Variants in PCDH15 observed in about 807,000 individuals in gnomAD.
The protein encoded by PCDH15 is protocadherin related 15.
Under a neutral mutation model 178.5 loss-of-function variants are expected in PCDH15, and 129 were observed. The observed-to-expected ratio is 0.72, with a 90% CI of 0.63 to 0.84. PCDH15 has a LOEUF of 0.84. PCDH15 is among the 40% of genes least tolerant of loss of function. The pLI is 0.00. For synonymous variants in PCDH15, 800 were observed against 732.0 expected, an observed-to-expected ratio of 1.09 and a Z score of -1.50; for missense variants, 2,230 against 2,099.9, an observed-to-expected ratio of 1.06 and a Z score of -1.21.
At chr10:54,035,554 T>A (rs2093397460) in intron 18 of PCDH15, among the ~76,000 whole-genome samples, 1 of 151,852 alleles carries the variant, frequency 6.6e-6, no homozygotes. Flanking sequence ...TTTTGACACA[T>A]GGTCCAAGAT....
intron 3 of PCDH15, among the ~76,000 whole-genome samples, chr10:54,400,733 C>T (rs138388778): frequency 2.7e-4 from 41 of 151,838 alleles, no homozygotes; most frequent in African/African-American, 6.0e-4. Context: ...ATGACAAAGA[C>T]GAGAGGAAAA....
intron 18 of PCDH15, among the ~76,000 whole-genome samples, chr10:54,034,024 A>G (rs1334792525): frequency 6.6e-6 from 1 of 151,886 alleles, no homozygotes; most frequent in Non-Finnish European, 1.5e-5. Flanking sequence ...TTCTAGAAAA[A>G]AAATTCTTAA....
At chr10:54,208,712 T>G (rs1398513964) in intron 10 of PCDH15, among the ~76,000 whole-genome samples, 1 of 152,000 alleles carries the variant, frequency 6.6e-6, no homozygotes, top group Non-Finnish European at 1.5e-5. Flanking sequence ...AACTGACTAG[T>G]ACGTGTCTGT....
chr10:54,671,400 A>G (rs2094668320), intron 1 of PCDH15, among the ~76,000 whole-genome samples: 1 of 152,188 alleles, frequency 6.6e-6, no homozygotes, highest in Non-Finnish European at 1.5e-5. Context: ...AACAGAGACT[A>G]AACGTAAAAG....
At chr10:55,146,476 G>GT (rs752478975) in intron 2 of PCDH15, among the ~76,000 whole-genome samples, 1 of 151,896 alleles carries the variant, frequency 6.6e-6, no homozygotes, top group Non-Finnish European at 1.5e-5. Flanking sequence ...GGCAGCCTAC[G>GT]CTTAGTTGTC....
At chr10:54,352,029 A>G (rs1249303667) in intron 5 of PCDH15, among the ~76,000 whole-genome samples, 1 of 152,208 alleles carries the variant, frequency 6.6e-6, no homozygotes, top group African/African-American at 2.4e-5. Flanking sequence ...TTGTACATAT[A>G]TATTTGGTGA....
At chr10:55,498,850 G>A (rs980970924) in intron 2 of PCDH15, among the ~76,000 whole-genome samples, 2 of 151,922 alleles carry the variant, frequency 1.3e-5, no homozygotes, top group Middle Eastern at 3.4e-3. Flanking sequence ...GGATGCAGAT[G>A]TTACAGATAG....
intron 3 of PCDH15, among the ~76,000 whole-genome samples, chr10:54,493,207 T>C (rs957105021): frequency 1.3e-5 from 2 of 151,970 alleles, no homozygotes; most frequent in African/African-American, 4.8e-5. Flanking sequence ...AAATGTAGTA[T>C]AAATAGGGTT....
chr10:54,304,746 G>A (rs1027347531), intron 8 of PCDH15, among the ~76,000 whole-genome samples: 1 of 152,054 alleles, frequency 6.6e-6, no homozygotes, highest in Non-Finnish European at 1.5e-5. Flanking sequence ...TAGAAACAGG[G>A]ACAGGAGATG....
At chr10:54,090,167 C>G in intron 15 of PCDH15, 104 bp from the exon 16 acceptor site, 1 of 887,114 alleles carries the variant, frequency 1.1e-6, no homozygotes, top group African/African-American at 1.6e-5. Context: ...ATGTCCATGA[C>G]ACTGTTAAAG....
chr10:55,445,158 T>C (rs1006308368), intron 2 of PCDH15, among the ~76,000 whole-genome samples: 1 of 152,188 alleles, frequency 6.6e-6, no homozygotes, highest in Admixed American at 6.6e-5. Context: ...TATAGACATG[T>C]CAGTGTCAAT....
chr10:54,731,563 T>TGC (rs1555172544), intron 1 of PCDH15, among the ~76,000 whole-genome samples: 3 of 49,882 alleles, frequency 6.0e-5, no homozygotes, highest in East Asian at 3.1e-4. Flanking sequence ...TATATATATA[T>TGC]ACACACACAC....
intron 15 of PCDH15, among the ~76,000 whole-genome samples, chr10:54,101,491 A>T (rs1417120340): frequency 6.6e-6 from 1 of 152,218 alleles, no homozygotes; most frequent in African/African-American, 2.4e-5. Context: ...TATTTTGAGC[A>T]AATTAATAGA....
intron 1 of PCDH15, among the ~76,000 whole-genome samples, chr10:54,785,579 C>A (rs572169354): frequency 2.0e-5 from 3 of 152,054 alleles, no homozygotes; most frequent in East Asian, 3.9e-4. Flanking sequence ...ATTCTTCCAC[C>A]TTTGATGCAG....
chr10:55,462,617 C>G (rs1049760563), intron 2 of PCDH15, among the ~76,000 whole-genome samples: 5 of 152,134 alleles, frequency 3.3e-5, no homozygotes, highest in Non-Finnish European at 5.9e-5. Context: ...TTAAACTGTT[C>G]GAGAAAGCCA....
At chr10:54,930,316 T>C (rs1440267354) in intron 2 of PCDH15, among the ~76,000 whole-genome samples, 2 of 152,150 alleles carry the variant, frequency 1.3e-5, no homozygotes, top group African/African-American at 4.8e-5. Context: ...CAAGCCAGTC[T>C]ATAAAACCCC....
intron 25 of PCDH15, among the ~76,000 whole-genome samples, chr10:53,913,832 C>T (rs1211590749): frequency 1.3e-5 from 2 of 152,042 alleles, no homozygotes; most frequent in African/African-American, 4.8e-5. Flanking sequence ...AGGCAACCTA[C>T]AGAATGGGAG....
intron 26 of PCDH15, among the ~76,000 whole-genome samples, chr10:53,869,874 A>C (rs1318848667): frequency 1.3e-5 from 2 of 152,196 alleles, no homozygotes; most frequent in Admixed American, 6.5e-5. Context: ...CTAATCTAAC[A>C]TTGTTGATTA....
chr10:55,615,881 G>T (rs1433528410), intron 2 of PCDH15, among the ~76,000 whole-genome samples: 1 of 152,094 alleles, frequency 6.6e-6, no homozygotes, highest in African/African-American at 2.4e-5. Flanking sequence ...GGGCGACAGA[G>T]CAAGACCCTG....
Sources: allele counts gnomAD v4.1 joint callset (sites outside exome capture counted in the v4.1 genomes callset), GRCh38; gene constraint gnomAD v4.1.1; transcripts MANE v1.5; gene names NCBI Gene and HGNC (gene_info 2026-07-23, HGNC 2026-07-21).